The following FOXN3 variants were observed in gnomAD, a reference collection of about 807,000 sequenced individuals.
FOXN3 encodes forkhead box N3.
In FOXN3, 7 loss-of-function variants were observed where a neutral mutation model predicts 38.4. The ratio of observed to expected loss-of-function variants is 0.18; its 90% confidence interval spans 0.10 to 0.34. FOXN3 has a LOEUF of 0.34. Ranked by LOEUF, FOXN3 falls within the 10% of genes least tolerant of loss-of-function variation. FOXN3 has a pLI of 1.00. For missense variants in FOXN3, 456 were observed against 613.4 expected (o/e 0.74, Z 2.71); for synonymous variants, 230 against 242.2 (o/e 0.95, Z 0.47).
chr14:89,504,700 G>A (rs924418697), intron 1 of FOXN3, among the ~76,000 whole-genome samples: 2 of 152,188 alleles, frequency 1.3e-5, no homozygotes, highest in African/African-American at 4.8e-5. Context: ...TCTCTGAGGA[G>A]TGGCTTCACA....
intron 1 of FOXN3, among the ~76,000 whole-genome samples, chr14:89,617,329 T>C (rs1411837226): frequency 6.6e-6 from 1 of 152,382 alleles, no homozygotes; most frequent in East Asian, 1.9e-4. Flanking sequence ...TATTCTTATA[T>C]GGTGCAGAAT....
At chr14:89,496,936 T>C (rs1430188817) in intron 1 of FOXN3, among the ~76,000 whole-genome samples, 3 of 152,190 alleles carry the variant, frequency 2.0e-5, no homozygotes, top group African/African-American at 7.2e-5. Flanking sequence ...GGTTCATCCA[T>C]GTTGTAGCAT....
intron 3 of FOXN3, among the ~76,000 whole-genome samples, chr14:89,283,106 T>C (rs1028657109): frequency 1.3e-5 from 2 of 152,156 alleles, no homozygotes; most frequent in African/African-American, 4.8e-5. Flanking sequence ...AGTCAGCTCC[T>C]GCCATGCTAA....
At chr14:89,244,155 C>T (rs1208103498) in intron 4 of FOXN3, among the ~76,000 whole-genome samples, 2 of 152,156 alleles carry the variant, frequency 1.3e-5, no homozygotes, top group Non-Finnish European at 2.9e-5. Flanking sequence ...GAAATCACCC[C>T]TGAGAAAACC....
In FOXN3 at chr14:89,161,332, T is replaced by G. The variant is rs1490515955; in HGVS notation, c.*1082A>C. 6.6e-6 allele frequency: 1 copy of G among 152,066 alleles called. No homozygotes were observed. Among genetic ancestry groups the G allele is most frequent in the Non-Finnish European group, 1.5e-5 (1 of 67,946 alleles). 9.4% of individuals were successfully genotyped at this position (152,066 alleles called of 1,614,324 possible). A position where few individuals can be genotyped will look rare whatever the true frequency, so the allele number is the denominator to read the frequency against. ...TTTTTTTTTTGTCCATCAGTGTACC[T>G]TTAATCTTAAAAATACACCACAATA... On this transcript the variant is annotated 3_prime_UTR_variant, in exon 6 of 6. Transcript: ENST00000557258.
intron 4 of FOXN3, among the ~76,000 whole-genome samples, chr14:89,258,270 G>A (rs1187126342): frequency 2.0e-5 from 3 of 152,164 alleles, no homozygotes; most frequent in South Asian, 4.1e-4. Flanking sequence ...CTGATTTCAT[G>A]TTCTATATTA....
At chr14:89,453,529 C>G (rs571558127) in intron 1 of FOXN3, among the ~76,000 whole-genome samples, 1 of 141,180 alleles carries the variant, frequency 7.1e-6, no homozygotes, top group African/African-American at 2.8e-5. Context: ...CATTGCACTC[C>G]AGCCTGGGCG....
At position 89,217,475 on chromosome 14, in the gene FOXN3, G is replaced by A. The variant is rs190077315; in HGVS notation, c.746-36669C>T. Reference sequence around the variant, plus strand: ...TTTATGTGTTCTTCACCTCTGCCACGCCTAGCTGCTAGTAAGAAGAGTGCC... The same window carrying A: ...TTTATGTGTTCTTCACCTCTGCCACACCTAGCTGCTAGTAAGAAGAGTGCC... On this transcript the variant is annotated intron_variant, in intron 4 of 5. Transcript: ENST00000557258. Among the ~76,000 whole-genome samples the A allele has an allele frequency of 2.0e-3, 307 of 152,166 alleles. 2 individuals are homozygous for A. The Middle Eastern group carries it at 0.024, about 12-fold the overall frequency.
chr14:89,529,741 GATTATA>G (rs1894516408), intron 1 of FOXN3, among the ~76,000 whole-genome samples: 2 of 152,034 alleles, frequency 1.3e-5, no homozygotes, highest in Non-Finnish European at 1.5e-5. Context: ...AATGCTTCTG[GATTATA>G]ATTAAGGCCT....
At position 89,470,064 on chromosome 14, in the gene FOXN3, G is replaced by A. The variant is rs571010876; in HGVS notation, c.-14-57574C>T. Among the ~76,000 whole-genome samples the A allele has an allele frequency of 5.9e-5, 9 of 152,282 alleles. No individual in the cohort carries two copies. The East Asian group carries it at 7.7e-4, about 13-fold the overall frequency. On this transcript the variant is annotated intron_variant, in intron 1 of 6. Coordinates refer to the FOXN3 transcript ENST00000345097. ...TGATCATCATAACACAGACTGAGTC[G>A]TGGTTTCATCTTGATTGGGCAAAAA... is the stretch of plus-strand genomic sequence containing the variant.
chr14:89,584,024 T>A (rs1895796288), intron 1 of FOXN3, among the ~76,000 whole-genome samples: 1 of 151,242 alleles, frequency 6.6e-6, no homozygotes. Context: ...CACACCCAGC[T>A]AATTTTTGTA....
intron 3 of FOXN3, among the ~76,000 whole-genome samples, chr14:89,305,601 G>C (rs905277257): frequency 6.6e-6 from 1 of 152,174 alleles, no homozygotes; most frequent in Non-Finnish European, 1.5e-5. Context: ...CAACTGTTTT[G>C]TTGGCCCCTA....
intron 1 of FOXN3, among the ~76,000 whole-genome samples, chr14:89,608,500 T>C (rs1450396569): frequency 2.0e-5 from 3 of 152,258 alleles, no homozygotes; most frequent in Non-Finnish European, 4.4e-5. Context: ...TACATATATG[T>C]GGTGTACAAT....
chr14:89,315,389 G>C (rs1178680766), intron 3 of FOXN3, among the ~76,000 whole-genome samples: 2 of 152,110 alleles, frequency 1.3e-5, no homozygotes, highest in Admixed American at 6.5e-5. Context: ...GTTACAACGA[G>C]GATGAAGCCA....
rs571776515 is a variant in FOXN3 at position 89,323,010 on chromosome 14, C to T, written c.680+27662G>A. Among the ~76,000 whole-genome samples, 66 of 152,170 alleles carry T rather than the reference C, an allele frequency of 4.3e-4. No homozygotes were observed. The South Asian group carries it at 0.013, about 30-fold the overall frequency. ...GGCAATAAAGAATGACAGTGGGAGCCGGGCGCAGTGGCTCATGCCTGTAAT... is the reference window on the plus strand; with the variant it reads ...GGCAATAAAGAATGACAGTGGGAGCTGGGCGCAGTGGCTCATGCCTGTAAT... On this transcript the variant is annotated intron_variant, in intron 3 of 5. Coordinates refer to ENST00000557258, the MANE Select transcript of FOXN3 (RefSeq NM_005197.4).
intron 1 of FOXN3, among the ~76,000 whole-genome samples, chr14:89,511,772 G>A (rs1894098026): frequency 6.6e-6 from 1 of 152,184 alleles, no homozygotes; most frequent in African/African-American, 2.4e-5. Flanking sequence ...TCACGGTTCT[G>A]CAGGGCTGGG....
rs939900687 is a variant in FOXN3 at position 89,525,053 on chromosome 14, C to A, written c.-15+93975G>T. 5.3e-5 allele frequency among the ~76,000 whole-genome samples: 8 copies of A among 152,140 alleles called. 1 individual carries two copies. In the South Asian group the frequency reaches 1.7e-3, roughly 32 times the overall value. On this transcript the variant is annotated intron_variant, in intron 1 of 6. Transcript: ENST00000345097. Reference sequence around the variant, plus strand: ...TACAACCCTTAGGATTAAGGGTTCTCTTATAAAAGCGCGGGGCTGGGGAGG... The same window carrying A: ...TACAACCCTTAGGATTAAGGGTTCTATTATAAAAGCGCGGGGCTGGGGAGG...
At chr14:89,196,687 A>G (rs9972271) in intron 4 of FOXN3, among the ~76,000 whole-genome samples, 32,898 of 152,066 alleles carry the variant, frequency 0.22, 4,204 homozygotes, top group African/African-American at 0.36. Context: ...AGAAAGCCAT[A>G]GCCTGTCCTG....
At chr14:89,281,834 C>T (rs556573324) in intron 3 of FOXN3, among the ~76,000 whole-genome samples, 45 of 152,306 alleles carry the variant, frequency 3.0e-4, no homozygotes, top group African/African-American at 1.1e-3. Flanking sequence ...AATGTTACTA[C>T]ATCCAGCCCA....
Sources: gnomAD v4.1 joint callset for allele counts (sites outside exome capture counted in the v4.1 genomes callset) on GRCh38, gnomAD v4.1.1 for gene constraint, MANE v1.5 for transcripts, NCBI Gene and HGNC (gene_info 2026-07-23, HGNC 2026-07-21) for gene names.